The following SPAG9 variants were observed in gnomAD, a reference collection of about 807,000 sequenced individuals.
The protein encoded by SPAG9 is C-Jun-amino-terminal kinase-interacting protein 4.
A neutral mutation model predicts 166.5 loss-of-function variants in SPAG9; 35 were observed. That is an observed-to-expected ratio of 0.21 (90% CI 0.16 to 0.28). The LOEUF (loss-of-function observed/expected upper bound fraction) is 0.28, where lower values mean the gene tolerates loss of function less well. Among genes scored for constraint, SPAG9 ranks in the 10% least tolerant of loss-of-function variants. The pLI is 1.00. For synonymous variants in SPAG9, 534 were observed against 565.5 expected, an observed-to-expected ratio of 0.94 and a Z score of 0.79; for missense variants, 1,235 against 1,603.3, an observed-to-expected ratio of 0.77 and a Z score of 3.92.
intron 2 of SPAG9, among the ~76,000 whole-genome samples, chr17:51,059,386 T>A (rs1336136768): frequency 6.6e-6 from 1 of 152,052 alleles, no homozygotes; most frequent in Non-Finnish European, 1.5e-5. Context: ...TTAAACAAAC[T>A]ATTCAGAACC....
intron 4 of SPAG9, among the ~76,000 whole-genome samples, chr17:51,045,699 G>A (rs552705904): frequency 5.3e-5 from 8 of 152,078 alleles, no homozygotes; most frequent in Non-Finnish European, 1.0e-4. Flanking sequence ...CTAGTCTGAC[G>A]GTTTAGAAAA....
intron 19 of SPAG9, among the ~76,000 whole-genome samples, chr17:50,991,756 T>C (rs1439821320): frequency 6.6e-6 from 1 of 151,730 alleles, no homozygotes; most frequent in Non-Finnish European, 1.5e-5. Context: ...CCCAAGTAGC[T>C]GCGATTACAA....
chr17:51,058,548 T>C (rs2047420285), intron 2 of SPAG9, among the ~76,000 whole-genome samples: 1 of 152,226 alleles, frequency 6.6e-6, no homozygotes, highest in Non-Finnish European at 1.5e-5. Context: ...TAATCTGTTT[T>C]GTATATTGGA....
chr17:51,041,503 T>G lies in SPAG9; in HGVS notation c.739A>C (p.Lys247Gln), dbSNP rs147184009. ...LSQPRSHTSLKVSNSPEPQKA... is the reference protein window; with the variant it reads ...LSQPRSHTSLQVSNSPEPQKA... The stretch of plus-strand genomic sequence containing the variant: ...AATTTCAGCAGCATAAAGCTTACCT[T>G]CAGGCTGGTATGAGAACGTGGTTGA... The change falls in exon 5 of 30, where the codon AAG becomes CAG. Residue 247 changes from lysine to glutamine, a missense_variant and splice_region_variant. Lys to Gln is a moderately conservative substitution (Grantham distance 53, BLOSUM62 1). Transcript: ENST00000262013. The G allele has an allele frequency of 1.7e-4, 278 of 1,613,160 alleles. No homozygotes were observed. The Middle Eastern group carries it at 6.1e-3, about 35-fold the overall frequency.
intron 4 of SPAG9, among the ~76,000 whole-genome samples, chr17:51,045,350 C>T (rs976691341): frequency 6.6e-6 from 1 of 152,106 alleles, no homozygotes; most frequent in African/African-American, 2.4e-5. Flanking sequence ...TATACAGATA[C>T]ACGTACACAA....
intron 2 of SPAG9, among the ~76,000 whole-genome samples, chr17:51,070,923 TAATGAAGATTATACAAC>T (rs2047804015): frequency 6.6e-6 from 1 of 152,136 alleles, no homozygotes; most frequent in Non-Finnish European, 1.5e-5. Flanking sequence ...ATAAAAATAA[TAATGAAGATTATACAAC>T]AAGGAAAAAT....
chr17:51,004,029 C>T (rs1226341007), intron 12 of SPAG9, among the ~76,000 whole-genome samples: 1 of 152,176 alleles, frequency 6.6e-6, no homozygotes, highest in Non-Finnish European at 1.5e-5. Context: ...ATAACTACAG[C>T]ACTGTACTAC....
At chr17:51,023,288 AT>A (rs2046017785) in intron 6 of SPAG9, 3 of 151,130 alleles carry the variant, frequency 2.0e-5, no homozygotes, top group South Asian at 1.8e-4. Flanking sequence ...ATAATTATAT[AT>A]TTTTATAATT....
Position 51,037,665 on chromosome 17 carries a change from T to TATATATATATATATA in SPAG9, c.741+3835_741+3836insTATATATATATATAT, listed in dbSNP as rs2046646737. On this transcript the variant is annotated intron_variant, in intron 5 of 29. Coordinates refer to ENST00000262013, the MANE Select transcript of SPAG9 (RefSeq NM_001130528.3). Reference sequence around the variant, plus strand: ...AATAAAATAAGTAAATATATGTGTTTTATATATATATATATATATAGTGTG... The same window carrying TATATATATATATATA: ...AATAAAATAAGTAAATATATGTGTTTATATATATATATATATATATATATATATATATATAGTGTG... Among the ~76,000 whole-genome samples the TATATATATATATATA allele has an allele frequency of 1.2e-3, 109 of 92,884 alleles. 2 individuals are homozygous for TATATATATATATATA. The highest frequency in any genetic ancestry group is 3.8e-3 in the African/African-American group (103 of 26,876). The allele number at this position is 92,884 out of a possible 152,430, so 60.9% of individuals were successfully genotyped here.
At chr17:50,990,691 A>T (rs777168102) in intron 19 of SPAG9, 23 bp from the exon 20 acceptor site, 1 of 1,581,238 alleles carries the variant, frequency 6.3e-7, no homozygotes, top group Non-Finnish European at 8.7e-7. Context: ...TCTTCTTGTA[A>T]CAGCAAAGTA....
At chr17:50,979,513 G>A (rs940482532) in intron 26 of SPAG9, among the ~76,000 whole-genome samples, 1 of 151,334 alleles carries the variant, frequency 6.6e-6, no homozygotes, top group African/African-American at 2.4e-5. Context: ...ATAAAAACAA[G>A]GACTGGGTGA....
At chr17:51,015,192 AC>A (rs2045645700) in intron 8 of SPAG9, among the ~76,000 whole-genome samples, 1 of 152,196 alleles carries the variant, frequency 6.6e-6, no homozygotes, top group South Asian at 2.1e-4. Context: ...GATTCAATAG[AC>A]CAGAGAAAGC....
intron 4 of SPAG9, among the ~76,000 whole-genome samples, chr17:51,044,971 T>C (rs188869020): frequency 3.9e-5 from 6 of 152,336 alleles, no homozygotes; most frequent in East Asian, 1.9e-4. Flanking sequence ...AATGGACACA[T>C]ATAAGTAACT....
intron 3 of SPAG9, among the ~76,000 whole-genome samples, chr17:51,053,854 A>AAAAAATATAT (rs1491529465): frequency 5.8e-5 from 2 of 34,446 alleles, no homozygotes; most frequent in East Asian, 1.3e-3. Context: ...AAAAAAAAAA[A>AAAAAATATAT]GTATATATAT....
chr17:51,050,349 T>TA (rs1025914379), intron 3 of SPAG9, among the ~76,000 whole-genome samples: 2 of 152,210 alleles, frequency 1.3e-5, no homozygotes, highest in African/African-American at 4.8e-5. Flanking sequence ...TCAGTGCAGT[T>TA]ACAGCCATTT....
At chr17:51,005,158 C>A in intron 12 of SPAG9, 54 bp downstream of exon 12, 1 of 1,499,746 alleles carries the variant, frequency 6.7e-7, no homozygotes, top group South Asian at 1.1e-5. Context: ...AAGATCTTCC[C>A]GAAACACCAA....
chr17:51,050,928 A>G, intron 3 of SPAG9, among the ~76,000 whole-genome samples: 1 of 151,828 alleles, frequency 6.6e-6, no homozygotes, highest in East Asian at 1.9e-4. Flanking sequence ...TAAACAACTG[A>G]AGAGAGAGAG....
At position 51,006,111 on chromosome 17, in the gene SPAG9, G is replaced by A. The variant is rs2045209181; in HGVS notation, c.1398C>T (p.Asn466=). 1 of 1,614,164 alleles carries A rather than the reference G, an allele frequency of 6.2e-7. No homozygotes were observed. The highest frequency in any genetic ancestry group is 8.5e-7 in the Non-Finnish European group (1 of 1,180,008). The change falls in exon 11 of 30, where the codon AAC becomes AAT. Residue 466 remains asparagine (N), a synonymous_variant. Coordinates refer to ENST00000262013, the MANE Select transcript of SPAG9 (RefSeq NM_001130528.3). ...TCCTAAGCTCTTCCTCCAATTCTCT[G>A]TTCTTTTCCTCTAGTTTCAGTTTGG... ...KQAKLKLEEK[N]RELEEELRKA...
chr17:50,980,761 G>A (rs1352801197), intron 25 of SPAG9, among the ~76,000 whole-genome samples: 4 of 152,012 alleles, frequency 2.6e-5, no homozygotes, highest in Non-Finnish European at 5.9e-5. Flanking sequence ...TACTTGGGAG[G>A]CTGAGGTGGG....
Sources: allele counts gnomAD v4.1 joint callset (sites outside exome capture counted in the v4.1 genomes callset), GRCh38; gene constraint gnomAD v4.1.1; transcripts MANE v1.5; gene names NCBI Gene and HGNC (gene_info 2026-07-23, HGNC 2026-07-21).